Variants in CREB3L2 observed in about 807,000 individuals in gnomAD.
The protein encoded by CREB3L2 is cAMP responsive element binding protein 3 like 2.
Under a neutral mutation model 57.2 loss-of-function variants are expected in CREB3L2, and 23 were observed. The observed-to-expected ratio is 0.40, with a 90% confidence interval of 0.29 to 0.57. The LOEUF is 0.57. Ranked by LOEUF, CREB3L2 falls within the 20% of genes least tolerant of loss-of-function variation. CREB3L2 has a pLI of 0.42. For missense variants in CREB3L2, 628 were observed against 634.7 expected, an observed-to-expected ratio of 0.99 and a Z score of 0.11; for synonymous variants, 268 against 265.1, an observed-to-expected ratio of 1.01 and a Z score of -0.11.
chr7:137,914,325 T>G (rs1180504230), intron 3 of CREB3L2, among the ~76,000 whole-genome samples: 1 of 152,016 alleles, frequency 6.6e-6, no homozygotes, highest in Non-Finnish European at 1.5e-5. Flanking sequence ...GCTTTGCTAG[T>G]TACATACTTT....
rs1184152938 is a variant in CREB3L2 at position 137,980,312 on chromosome 7, T to C, written c.102+21292A>G. On this transcript the variant is annotated intron_variant, in intron 1 of 11. Transcript: ENST00000330387. The surrounding 1 kb of genome is among the most constrained non-coding windows in gnomAD (Gnocchi z 4.3). The stretch of plus-strand genomic sequence containing the variant: ...TTGGGCTGGGACCCAGGCATCAAAG[T>C]TGTTTAAGCTCCCAGGTAAGTGTGA... Among the ~76,000 whole-genome samples the C allele has an allele frequency of 1.3e-5, 2 of 152,168 alleles. No homozygotes were observed. The highest frequency in any genetic ancestry group is 2.9e-5 in the Non-Finnish European group (2 of 68,020).
chr7:137,926,849 A>G (rs551095610), intron 2 of CREB3L2, among the ~76,000 whole-genome samples: 1 of 152,290 alleles, frequency 6.6e-6, no homozygotes, highest in East Asian at 1.9e-4. Flanking sequence ...AAAACAAAAC[A>G]TAGAAAATTA....
intron 3 of CREB3L2, among the ~76,000 whole-genome samples, chr7:137,913,934 C>G (rs1800069717): frequency 6.6e-6 from 1 of 152,108 alleles, no homozygotes; most frequent in South Asian, 2.1e-4. Context: ...TCTCTTATCC[C>G]AGTTCAGCCT....
At chr7:137,956,577 C>T in intron 1 of CREB3L2, 1 of 1,288,620 alleles carries the variant, frequency 7.8e-7, no homozygotes, top group Non-Finnish European at 1.0e-6. Flanking sequence ...TACCTTCCAT[C>T]TTTCAGGTCC....
chr7:137,953,003 G>C (rs984855004), intron 1 of CREB3L2, among the ~76,000 whole-genome samples: 2 of 152,170 alleles, frequency 1.3e-5, no homozygotes, highest in Non-Finnish European at 2.9e-5. Flanking sequence ...TTTTCGTAGA[G>C]ACAGGGTTTC....
rs766650207 is a variant in CREB3L2, at chr7:137,905,730, T to C, written c.887A>G (p.Lys296Arg). The C allele has an allele frequency of 8.7e-6, 14 of 1,614,194 alleles. No homozygotes were observed. The South Asian group carries it at 1.4e-4, about 16-fold the overall frequency. Residue 296 changes from lysine (K) to arginine (R), a missense_variant, in exon 6 of 12, where the codon AAG becomes AGG. Lys to Arg is a conservative substitution (Grantham distance 26). Around this residue, in one of 3 missense-constraint regions of CREB3L2, gnomAD observed 17 missense variants for 36.6 expected, o/e 0.46. Coordinates refer to ENST00000330387, the MANE Select transcript of CREB3L2 (RefSeq NM_194071.4). ...PLSKSEEKAL[K>R]KIRRKIKNKI... ...ATTCTTGATCTTCCTCCGAATTTTCTTCAGGGCCTTCTCCTCTGATTTTGA... is the reference window on the plus strand; with the variant it reads ...ATTCTTGATCTTCCTCCGAATTTTCCTCAGGGCCTTCTCCTCTGATTTTGA...
At chr7:137,925,649 A>C (rs6467726) in intron 2 of CREB3L2, among the ~76,000 whole-genome samples, 14,224 of 152,124 alleles carry the variant, frequency 0.094, 1,573 homozygotes, top group African/African-American at 0.27. Flanking sequence ...ACTGGGGTTC[A>C]CATGAATAAA....
chr7:137,922,382 A>ATGTG (rs1554497987), intron 2 of CREB3L2, among the ~76,000 whole-genome samples: 2 of 102,790 alleles, frequency 1.9e-5, no homozygotes, highest in Non-Finnish European at 3.4e-5. Context: ...ATATATATAT[A>ATGTG]TGTATATATA....
intron 4 of CREB3L2, among the ~76,000 whole-genome samples, 157 bp from the exon 5 acceptor site, chr7:137,908,593 T>C (rs1409355165): frequency 2.0e-5 from 3 of 152,054 alleles, no homozygotes; most frequent in African/African-American, 7.2e-5. Context: ...TCCTTTTGTA[T>C]GAAAAAGGAG....
At chr7:137,887,165 C>A (rs550551256) in intron 8 of CREB3L2, among the ~76,000 whole-genome samples, 1 of 152,162 alleles carries the variant, frequency 6.6e-6, no homozygotes, top group African/African-American at 2.4e-5. Context: ...TGTGGGCTTT[C>A]GCAGATAACT....
intron 1 of CREB3L2, among the ~76,000 whole-genome samples, chr7:137,991,315 C>G (rs1801891042): frequency 2.0e-5 from 3 of 151,410 alleles, no homozygotes; most frequent in South Asian, 2.1e-4. Flanking sequence ...AGGCACCCAC[C>G]ACCACACCTG....
intron 1 of CREB3L2, among the ~76,000 whole-genome samples, chr7:137,998,334 C>A (rs1166155163): frequency 6.6e-6 from 1 of 152,236 alleles, no homozygotes; most frequent in Non-Finnish European, 1.5e-5. Flanking sequence ...AGCAATCATG[C>A]ATGTAGTAAC....
intron 1 of CREB3L2, among the ~76,000 whole-genome samples, chr7:137,999,321 A>G (rs1802038894): frequency 6.6e-6 from 1 of 150,728 alleles, no homozygotes; most frequent in African/African-American, 2.4e-5. Flanking sequence ...CGTTTTCCAT[A>G]ACACTTATTT....
chr7:137,914,838 T>C (rs1439404850), intron 3 of CREB3L2, among the ~76,000 whole-genome samples: 1 of 152,194 alleles, frequency 6.6e-6, no homozygotes, highest in Non-Finnish European at 1.5e-5. Flanking sequence ...ATGAGTCTAC[T>C]GATTCTGTGT....
chr7:137,934,273 T>C (rs1797766343), intron 1 of CREB3L2, among the ~76,000 whole-genome samples: 1 of 152,150 alleles, frequency 6.6e-6, no homozygotes, highest in Admixed American at 6.5e-5. Context: ...TTATTGTTTC[T>C]CCTAGGAAAG....
chr7:137,938,415 G>A (rs1029214838), intron 1 of CREB3L2, among the ~76,000 whole-genome samples: 43 of 151,954 alleles, frequency 2.8e-4, no homozygotes, highest in African/African-American at 7.3e-4. Flanking sequence ...GTGCGATCTC[G>A]GCTCACTGCA....
Position 137,887,249 on chromosome 7 carries a change from A to C in CREB3L2, c.1044-1747T>G, listed in dbSNP as rs982066586. Among the ~76,000 whole-genome samples, 3 of 152,214 alleles carry C rather than the reference A, an allele frequency of 2.0e-5. No individual in the cohort carries two copies. In the East Asian group the frequency reaches 5.8e-4, roughly 29 times the overall value. On this transcript the variant is annotated intron_variant, in intron 8 of 11. Transcript: ENST00000330387. ...ACAAGCAGATTTTTCCTGGGCTTAC[A>C]TCTTCACCCCCAGCTAGTACCAATG...
At chr7:137,952,833 G>A (rs917783630) in intron 1 of CREB3L2, among the ~76,000 whole-genome samples, 1 of 151,926 alleles carries the variant, frequency 6.6e-6, no homozygotes, top group Admixed American at 6.6e-5. Context: ...TTTTTAGACG[G>A]GGTCTCTCTC....
intron 1 of CREB3L2, among the ~76,000 whole-genome samples, chr7:137,947,255 C>T (rs1400542520): frequency 6.6e-6 from 1 of 151,844 alleles, no homozygotes; most frequent in Non-Finnish European, 1.5e-5. Context: ...TACATTTCTG[C>T]ACCCAGCTGT....
Sources: allele counts gnomAD v4.1 joint callset (sites outside exome capture counted in the v4.1 genomes callset), GRCh38; gene constraint gnomAD v4.1.1; regional missense constraint gnomAD v4.1.1; non-coding constraint Gnocchi (gnomAD v3.1); transcripts MANE v1.5; gene names NCBI Gene and HGNC (gene_info 2026-07-23, HGNC 2026-07-21).